ADGRA2: variants seen among roughly 807,000 people sequenced by gnomAD.
The protein encoded by ADGRA2 is adhesion G protein-coupled receptor A2, also known as G-protein coupled receptor 124.
ADGRA2 carries 61 observed loss-of-function variants against 98.7 expected under a neutral mutation model. The observed-to-expected ratio is 0.62, with a 90% CI of 0.50 to 0.76. The LOEUF is 0.76. Among genes scored for constraint, ADGRA2 ranks in the 30% least tolerant of loss-of-function variants. The pLI is 0.00. For synonymous variants in ADGRA2, 858 were observed against 831.5 expected (o/e 1.03, Z -0.55); for missense variants, 1,712 against 1,860.0 (o/e 0.92, Z 1.46).
intron 2 of ADGRA2, among the ~76,000 whole-genome samples, chr8:37,816,593 A>AACAC (rs545433349): frequency 0.099 from 12,998 of 131,158 alleles, 647 homozygotes; most frequent in Admixed American, 0.12. Context: ...CTCCGTCTCA[A>AACAC]ACACACACAC....
intron 8 of ADGRA2, among the ~76,000 whole-genome samples, chr8:37,832,699 A>T (rs1178474794): frequency 2.0e-5 from 3 of 152,196 alleles, no homozygotes; most frequent in African/African-American, 7.2e-5. Context: ...GGAAGCTATT[A>T]TTCTCCCCAC....
chr8:37,841,376 A>G lies in ADGRA2; in HGVS notation c.3038A>G (p.Tyr1013Cys). ...CCCCCGGAGGATGGTGACAGCCTCTATTCTCCGGGAGTCCAGCTAGGGGCG... is the reference window on the plus strand; with the variant it reads ...CCCCCGGAGGATGGTGACAGCCTCTGTTCTCCGGGAGTCCAGCTAGGGGCG... ...PGPPEDGDSL[Y>C]SPGVQLGALV... Residue 1013 changes from tyrosine to cysteine, a missense_variant, in exon 19 of 19, where the codon TAT becomes TGT. Physicochemically the swap from Tyr to Cys is radical, Grantham distance 194 (BLOSUM62 -2). Coordinates refer to ENST00000412232, the MANE Select transcript of ADGRA2 (RefSeq NM_032777.10). The surrounding 1 kb of genome is among the most constrained non-coding windows in gnomAD (Gnocchi z 5.0). 1.2e-6 allele frequency: 2 copies of G among 1,610,708 alleles called. No individual in the cohort carries two copies. The highest frequency in any genetic ancestry group is 1.7e-6 in the Non-Finnish European group (2 of 1,178,814).
intron 2 of ADGRA2, among the ~76,000 whole-genome samples, chr8:37,820,926 G>T (rs1029062549): frequency 6.6e-5 from 10 of 151,994 alleles, no homozygotes; most frequent in Non-Finnish European, 1.5e-4. Context: ...AGAGGTTGGG[G>T]GTAGGGGTGG....
intron 2 of ADGRA2, among the ~76,000 whole-genome samples, chr8:37,826,223 G>A (rs911590272): frequency 6.6e-6 from 1 of 152,200 alleles, no homozygotes; most frequent in South Asian, 2.1e-4. Flanking sequence ...TCCCCCACGT[G>A]GGGGTGGGAG....
intron 2 of ADGRA2, among the ~76,000 whole-genome samples, chr8:37,818,527 C>G (rs1805040093): frequency 6.6e-6 from 1 of 152,252 alleles, no homozygotes. Flanking sequence ...TGGCTTGATG[C>G]CGAGTCGTGC....
chr8:37,839,828 G>A (rs942467120), intron 16 of ADGRA2, among the ~76,000 whole-genome samples: 2 of 152,162 alleles, frequency 1.3e-5, no homozygotes, highest in African/African-American at 4.8e-5. Flanking sequence ...AGAGAGAATG[G>A]GAGATGGGCT....
At position 37,835,658 on chromosome 8, in the gene ADGRA2, C is replaced by G. The variant is rs139344376; in HGVS notation, c.1938C>G (p.Leu646=). ...CCCCAGACTGCACCCTGCAACTGCT[C>G]GTCTTCCGAAATGGCCGCCTCTTCC... The part of the protein sequence containing the change: ...PVPPDCTLQL[L]VFRNGRLFHS... Residue 646 remains leucine, a synonymous_variant, in exon 13 of 19, where the codon CTC becomes CTG. Coordinates refer to ENST00000412232, the MANE Select transcript of ADGRA2 (RefSeq NM_032777.10). 2 of 1,613,574 alleles carry G rather than the reference C, an allele frequency of 1.2e-6. No individual in the cohort carries two copies. The highest frequency in any genetic ancestry group is 2.7e-5 in the African/African-American group (2 of 74,894).
Position 37,834,861 on chromosome 8 carries a change from T to TA in ADGRA2, c.1609-305dup, listed in dbSNP as rs112662645. Reference sequence around the variant, plus strand: ...GGGCAACATGGTGAAACCCCATCTCTAAAAAAAAGTTTTTAATTAGATGGG... The same window carrying TA: ...GGGCAACATGGTGAAACCCCATCTCTAAAAAAAAAGTTTTTAATTAGATGGG... On this transcript the variant is annotated intron_variant, in intron 11 of 18. Coordinates refer to ENST00000412232, the MANE Select transcript of ADGRA2 (RefSeq NM_032777.10). The surrounding 1 kb of genome is among the most constrained non-coding windows in gnomAD (Gnocchi z 4.2). 3.3e-5 allele frequency among the ~76,000 whole-genome samples: 5 copies of TA among 151,736 alleles called. No individual in the cohort carries two copies. The highest frequency in any genetic ancestry group is 3.9e-4 in the East Asian group (2 of 5,156).
intron 1 of ADGRA2, among the ~76,000 whole-genome samples, chr8:37,801,997 G>A (rs1804521912): frequency 6.6e-6 from 1 of 152,250 alleles, no homozygotes; most frequent in Non-Finnish European, 1.5e-5. Flanking sequence ...CTCCCATTCA[G>A]GGAAGCGGGG....
chr8:37,820,910 A>G (rs371894848), intron 2 of ADGRA2, among the ~76,000 whole-genome samples: 2 of 150,506 alleles, frequency 1.3e-5, no homozygotes, highest in Admixed American at 1.3e-4. Context: ...AGAGATGATC[A>G]TCCAGAGAGG....
At chr8:37,837,222 C>T (rs1805642339) in intron 13 of ADGRA2, among the ~76,000 whole-genome samples, 1 of 152,214 alleles carries the variant, frequency 6.6e-6, no homozygotes, top group Admixed American at 6.5e-5. Context: ...GGTGAAAGCC[C>T]TGTGTCCGCA....
At chr8:37,801,238 G>T (rs550241488) in intron 1 of ADGRA2, among the ~76,000 whole-genome samples, 2 of 152,078 alleles carry the variant, frequency 1.3e-5, no homozygotes, top group Non-Finnish European at 2.9e-5. Context: ...ATTTTCATTC[G>T]CAGTTTTCCA....
At chr8:37,827,097 C>T (rs182014477) in intron 2 of ADGRA2, among the ~76,000 whole-genome samples, 1 of 152,358 alleles carries the variant, frequency 6.6e-6, no homozygotes. Flanking sequence ...GAGGCCACTG[C>T]CTCCATCTCA....
rs1456242422 is a variant in ADGRA2 at position 37,835,589 on chromosome 8, G to A, written c.1869G>A (p.Pro623=). ...SVALASIQLP[P]SLFSSLPAAL... ...CCCTGGCCTCCATCCAGCTGCCCCCGAGTCTATTCTCATCCCTTCCGGCTG... is the reference window on the plus strand; with the variant it reads ...CCCTGGCCTCCATCCAGCTGCCCCCAAGTCTATTCTCATCCCTTCCGGCTG... Residue 623 remains proline, a synonymous_variant, in exon 13 of 19, where the codon CCG becomes CCA. Coordinates refer to ENST00000412232, the MANE Select transcript of ADGRA2 (RefSeq NM_032777.10). The A allele has an allele frequency of 6.8e-6, 11 of 1,613,454 alleles. No individual in the cohort carries two copies. Among genetic ancestry groups the A allele is most frequent in the African/African-American group, 1.3e-5 (1 of 74,878 alleles).
chr8:37,833,958 T>TC lies in ADGRA2; in HGVS notation c.1447-3dup, dbSNP rs1394880231. Reference sequence around the variant, plus strand: ...GCCCCTGCCCTCAGCAACTTCCCTGTCCCCCCAGCTGGTAGAGGTGATGGT... The same window carrying TC: ...GCCCCTGCCCTCAGCAACTTCCCTGTCCCCCCCAGCTGGTAGAGGTGATGGT... On this transcript the variant is annotated splice_polypyrimidine_tract_variant and intron_variant, in intron 10 of 18. Coordinates refer to ENST00000412232, the MANE Select transcript of ADGRA2 (RefSeq NM_032777.10). 4.3e-6 allele frequency: 7 copies of TC among 1,609,750 alleles called. No homozygotes were observed. Among genetic ancestry groups the TC allele is most frequent in the Non-Finnish European group, 3.4e-6 (4 of 1,177,282 alleles).
chr8:37,832,203 C>T (rs1399563665), intron 8 of ADGRA2, among the ~76,000 whole-genome samples: 1 of 151,618 alleles, frequency 6.6e-6, no homozygotes, highest in Non-Finnish European at 1.5e-5. Flanking sequence ...CTGGCCTGTG[C>T]CACCATGCCC....
intron 2 of ADGRA2, among the ~76,000 whole-genome samples, chr8:37,828,432 C>G (rs866953346): frequency 1.5e-4 from 23 of 151,314 alleles, no homozygotes; most frequent in African/African-American, 5.1e-4. Flanking sequence ...GACCAGTGCC[C>G]GCTGATGGTA....
chr8:37,797,660 G>A lies in ADGRA2; in HGVS notation c.266+126G>A, dbSNP rs955159090. ...CTTCAGAGATTTCTGGACAGGCCTGGGTTCAGGCCCCCAGAGGGGAAGATT... is the reference window on the plus strand; with the variant it reads ...CTTCAGAGATTTCTGGACAGGCCTGAGTTCAGGCCCCCAGAGGGGAAGATT... On this transcript the variant is annotated intron_variant, in intron 1 of 18. Transcript: ENST00000412232. The surrounding 1 kb of genome is among the most constrained non-coding windows in gnomAD (Gnocchi z 5.3). 1.1e-4 allele frequency: 108 copies of A among 947,740 alleles called. No homozygotes were observed. The highest frequency in any genetic ancestry group is 1.5e-4 in the Non-Finnish European group (106 of 714,366). The allele number at this position is 947,740 out of a possible 1,614,324, so 58.7% of individuals were successfully genotyped here. A position where few individuals can be genotyped will look rare whatever the true frequency, so the allele number is the denominator to read the frequency against.
rs1409278316 is a variant in ADGRA2, at chr8:37,830,156, C to T, written c.718+142C>T. 1.1e-5 allele frequency: 6 copies of T among 550,984 alleles called. No homozygotes were observed. Among genetic ancestry groups the T allele is most frequent in the Non-Finnish European group, 1.3e-5 (4 of 316,108 alleles). The allele number at this position is 550,984 out of a possible 1,614,324, so 34.1% of individuals were successfully genotyped here. ...CAAAAGACCACGACACTGAGTCCTGCTCTTGCATTTAGGGAGACCTTATCT... is the reference window on the plus strand; with the variant it reads ...CAAAAGACCACGACACTGAGTCCTGTTCTTGCATTTAGGGAGACCTTATCT... On this transcript the variant is annotated intron_variant, in intron 6 of 18. Transcript: ENST00000412232. The surrounding 1 kb of genome is among the most constrained non-coding windows in gnomAD (Gnocchi z 4.8).
Sources: gnomAD v4.1 joint callset for allele counts (sites outside exome capture counted in the v4.1 genomes callset) on GRCh38, gnomAD v4.1.1 for gene constraint, Gnocchi (gnomAD v3.1) non-coding constraint, MANE v1.5 for transcripts, NCBI Gene and HGNC (gene_info 2026-07-23, HGNC 2026-07-21) for gene names.